The following STXBP5 variants were observed in gnomAD, a reference collection of about 807,000 sequenced individuals.
STXBP5 encodes syntaxin-binding protein 5.
In STXBP5, 50 loss-of-function variants were observed where a neutral mutation model predicts 152.4. The ratio of observed to expected loss-of-function variants is 0.33; its 90% CI spans 0.26 to 0.42. The LOEUF (loss-of-function observed/expected upper bound fraction) is 0.42. Ranked by LOEUF, STXBP5 falls within the 10% of genes least tolerant of loss-of-function variation. The probability of loss-of-function intolerance (pLI) is 1.00; values close to 1 mark genes in which losing one functional copy is unlikely to be tolerated. For synonymous variants in STXBP5, 492 were observed against 494.7 expected, an observed-to-expected ratio of 0.99 and a Z score of 0.07; for missense variants, 1,167 against 1,388.6, an observed-to-expected ratio of 0.84 and a Z score of 2.54.
At chr6:147,232,943 T>C (rs1778076120) in intron 2 of STXBP5, among the ~76,000 whole-genome samples, 1 of 151,830 alleles carries the variant, frequency 6.6e-6, no homozygotes, top group Admixed American at 6.6e-5. Context: ...AAACATTGAT[T>C]GACGCCCATG....
At chr6:147,339,044 C>A in intron 19 of STXBP5, 135 bp from the exon 20 acceptor site, 1 of 686,216 alleles carries the variant, frequency 1.5e-6, no homozygotes, top group Non-Finnish European at 2.5e-6. Flanking sequence ...TTATACATGG[C>A]CTCTTCTTGT....
intron 2 of STXBP5, among the ~76,000 whole-genome samples, chr6:147,223,183 G>A (rs1777544891): frequency 6.6e-6 from 1 of 152,200 alleles, no homozygotes; most frequent in Non-Finnish European, 1.5e-5. Context: ...TGAAAACATA[G>A]GTGGTCTTCA....
At position 147,228,776 on chromosome 6, in the gene STXBP5, T is replaced by C. The variant is rs77288508; in HGVS notation, c.249-6474T>C. 3.0e-3 allele frequency among the ~76,000 whole-genome samples: 454 copies of C among 152,250 alleles called. 6 individuals are homozygous for C. In the East Asian group the frequency reaches 0.036, roughly 12 times the overall value. On this transcript the variant is annotated intron_variant, in intron 2 of 27. Coordinates refer to ENST00000321680, the MANE Select transcript of STXBP5 (RefSeq NM_001127715.4). ...ACTTCTTTTCACTACTTTTCAGTCA[T>C]TATAATATCCAAAATTGGGATTTCC...
chr6:147,335,726 A>G (rs941273453), intron 19 of STXBP5, among the ~76,000 whole-genome samples: 10 of 151,972 alleles, frequency 6.6e-5, no homozygotes, highest in African/African-American at 2.4e-4. Flanking sequence ...CGTGAACCCC[A>G]GGGGGCGGAG....
At chr6:147,245,184 C>G (rs1202198349) in intron 4 of STXBP5, among the ~76,000 whole-genome samples, 3 of 151,670 alleles carry the variant, frequency 2.0e-5, no homozygotes, top group Admixed American at 2.0e-4. Context: ...GCACTGTCTC[C>G]AAATACTGTC....
At chr6:147,250,942 T>C (rs929042351) in intron 4 of STXBP5, among the ~76,000 whole-genome samples, 2 of 122,434 alleles carry the variant, frequency 1.6e-5, no homozygotes, top group Non-Finnish European at 3.1e-5. Context: ...CACTCCAGCA[T>C]GGGCAACAAG....
rs575960701 is a variant in STXBP5, at chr6:147,226,472, C to T, written c.249-8778C>T. Reference sequence around the variant, plus strand: ...AGACTGTTTGAAGGCCTTCCACACTCTAGGATGGAAGTATAGCATAGGCTG... The same window carrying T: ...AGACTGTTTGAAGGCCTTCCACACTTTAGGATGGAAGTATAGCATAGGCTG... On this transcript the variant is annotated intron_variant, in intron 2 of 27. Coordinates refer to ENST00000321680, the MANE Select transcript of STXBP5 (RefSeq NM_001127715.4). 2.6e-5 allele frequency among the ~76,000 whole-genome samples: 4 copies of T among 152,218 alleles called. No homozygotes were observed. The South Asian group carries it at 8.3e-4, about 32-fold the overall frequency.
At chr6:147,258,245 G>A (rs920438142) in intron 4 of STXBP5, among the ~76,000 whole-genome samples, 1 of 152,136 alleles carries the variant, frequency 6.6e-6, no homozygotes, top group African/African-American at 2.4e-5. Context: ...AAGCTGTTCA[G>A]TGCCATTTGT....
chr6:147,218,439 G>T (rs1777290383), intron 2 of STXBP5, among the ~76,000 whole-genome samples: 1 of 151,800 alleles, frequency 6.6e-6, no homozygotes, highest in African/African-American at 2.4e-5. Context: ...AAATTCCACT[G>T]GTTCTTTTCT....
rs1330170364 is a variant in STXBP5 at position 147,217,613 on chromosome 6, A to G, written c.248+11545A>G. Among the ~76,000 whole-genome samples, 6 of 152,360 alleles carry G rather than the reference A, an allele frequency of 3.9e-5. No individual in the cohort carries two copies. The East Asian group carries it at 1.2e-3, about 29-fold the overall frequency. On this transcript the variant is annotated intron_variant, in intron 2 of 27. Transcript: ENST00000321680. ...AAGAATGATTGTTTTCAACCACTCT[A>G]ATTTGTTCACAAATAATAAAAAATT...
chr6:147,348,035 T>G (rs1784417917), intron 21 of STXBP5, among the ~76,000 whole-genome samples: 1 of 152,214 alleles, frequency 6.6e-6, no homozygotes. Flanking sequence ...CAAAAACAGT[T>G]TAAAATTTTA....
chr6:147,245,981 G>A (rs1364672328), intron 4 of STXBP5, among the ~76,000 whole-genome samples: 1 of 152,162 alleles, frequency 6.6e-6, no homozygotes, highest in Non-Finnish European at 1.5e-5. Flanking sequence ...GTTGTTTTAA[G>A]CCACCCATGC....
chr6:147,311,062 TAC>T (rs1358340045), intron 10 of STXBP5, among the ~76,000 whole-genome samples: 1 of 152,180 alleles, frequency 6.6e-6, no homozygotes, highest in African/African-American at 2.4e-5. Context: ...TAATGTATTT[TAC>T]AGTTATTGAC....
chr6:147,345,408 C>A (rs1490747620), intron 21 of STXBP5, among the ~76,000 whole-genome samples: 1 of 152,172 alleles, frequency 6.6e-6, no homozygotes, highest in Non-Finnish European at 1.5e-5. Flanking sequence ...CACTTTTCTT[C>A]TTGGATTCCT....
rs566577102 is a variant in STXBP5, at chr6:147,382,799, A to C, written c.3215A>C (p.Lys1072Thr). The C allele has an allele frequency of 2.5e-6, 4 of 1,613,408 alleles. No homozygotes were observed. The Admixed American group carries it at 5.0e-5, about 20-fold the overall frequency. Residue 1072 changes from lysine (K) to threonine (T), a missense_variant, in exon 27 of 28, where the codon AAG becomes ACG. Physicochemically the swap from Lys to Thr is moderately conservative, Grantham distance 78. Transcript: ENST00000321680. ...TCAGTTGGAGAATCGTCCTCAGGAA[A>C]GGCTTCAAGGAGCCTTGCACAGCAT... ...EELFGESSSG[K>T]ASRSLAQHIP...
At chr6:147,286,489 C>T (rs961478981) in intron 8 of STXBP5, among the ~76,000 whole-genome samples, 1 of 152,104 alleles carries the variant, frequency 6.6e-6, no homozygotes, top group African/African-American at 2.4e-5. Context: ...TCTGATTGTA[C>T]ACTTTAAGTA....
chr6:147,380,047 C>T (rs1332183531), intron 26 of STXBP5, among the ~76,000 whole-genome samples: 3 of 142,334 alleles, frequency 2.1e-5, no homozygotes, highest in Middle Eastern at 3.5e-3. Context: ...TGTTAAGTGG[C>T]AGTATCCACA....
At chr6:147,313,026 G>T (rs1782462296) in intron 11 of STXBP5, among the ~76,000 whole-genome samples, 1 of 152,152 alleles carries the variant, frequency 6.6e-6, no homozygotes, top group African/African-American at 2.4e-5. Flanking sequence ...GTGTTATAAA[G>T]AGAAGAAAGT....
intron 10 of STXBP5, 35 bp downstream of exon 10, chr6:147,310,273 G>GAGAGCTGATAT (rs749337164): frequency 1.4e-6 from 2 of 1,380,722 alleles, no homozygotes; most frequent in Non-Finnish European, 1.9e-6. Flanking sequence ...ATTCTCTATA[G>GAGAGCTGATAT]AGAGCTGATA....
Sources: gnomAD v4.1 joint callset for allele counts (sites outside exome capture counted in the v4.1 genomes callset) on GRCh38, gnomAD v4.1.1 for gene constraint, MANE v1.5 for transcripts, NCBI Gene and HGNC (gene_info 2026-07-23, HGNC 2026-07-21) for gene names.